The following RNF150 variants were observed in gnomAD, a reference collection of about 807,000 sequenced individuals.
RNF150 encodes ring finger protein 150.
RNF150 carries 24 observed loss-of-function variants against 39.3 expected under a neutral mutation model. The ratio of observed to expected loss-of-function variants is 0.61; its 90% CI spans 0.44 to 0.86. The LOEUF is 0.86. Among genes scored for constraint, RNF150 ranks in the 40% least tolerant of loss-of-function variants. The pLI, the probability that RNF150 is intolerant of heterozygous loss-of-function variation, is 0.00. For synonymous variants in RNF150, 255 were observed against 227.3 expected, an observed-to-expected ratio of 1.12 and a Z score of -1.10; for missense variants, 502 against 587.8, an observed-to-expected ratio of 0.85 and a Z score of 1.51.
chr4:141,115,001 TAA>T (rs1739504774), intron 1 of RNF150, among the ~76,000 whole-genome samples: 1 of 152,090 alleles, frequency 6.6e-6, no homozygotes, highest in African/African-American at 2.4e-5. Context: ...CTCAAAATAA[TAA>T]GAGCTATTTA....
chr4:141,040,702 C>T (rs1736323623), intron 1 of RNF150, among the ~76,000 whole-genome samples: 1 of 152,108 alleles, frequency 6.6e-6, no homozygotes, highest in African/African-American at 2.4e-5. Context: ...TTAAATAACA[C>T]ATCAGTGGTT....
At chr4:141,179,390 A>G (rs902625913) in intron 1 of RNF150, among the ~76,000 whole-genome samples, 36 of 152,210 alleles carry the variant, frequency 2.4e-4, no homozygotes, top group African/African-American at 8.7e-4. Flanking sequence ...AAATAGTTCA[A>G]TAGTAATTTG....
chr4:140,996,229 G>GATGTTGAGC (rs1734372359), intron 1 of RNF150, among the ~76,000 whole-genome samples: 1 of 152,108 alleles, frequency 6.6e-6, no homozygotes, highest in African/African-American at 2.4e-5. Context: ...GACAATAAAT[G>GATGTTGAGC]ATGTTGAGCA....
rs550772788 is a variant in RNF150 at position 141,075,478 on chromosome 4, T to C, written c.484+56847A>G. 2.2e-4 allele frequency among the ~76,000 whole-genome samples: 33 copies of C among 152,380 alleles called. 1 individual carries two copies. In the East Asian group the frequency reaches 6.4e-3, roughly 29 times the overall value. Reference sequence around the variant, plus strand: ...TGATATCCATTGTTATGTTTACTAATTAGAATTATAGCCTCTAATCCCAGT... The same window carrying C: ...TGATATCCATTGTTATGTTTACTAACTAGAATTATAGCCTCTAATCCCAGT... On this transcript the variant is annotated intron_variant, in intron 1 of 6. Coordinates refer to ENST00000515673, the MANE Select transcript of RNF150 (RefSeq NM_020724.2).
At chr4:141,013,057 G>A (rs1385206480) in intron 1 of RNF150, among the ~76,000 whole-genome samples, 1 of 152,124 alleles carries the variant, frequency 6.6e-6, no homozygotes, top group Non-Finnish European at 1.5e-5. Flanking sequence ...TGGGGAAAAT[G>A]GAATATGAGT....
At chr4:141,064,082 ATTTC>A (rs149164885) in intron 1 of RNF150, among the ~76,000 whole-genome samples, 2,611 of 152,102 alleles carry the variant, frequency 0.017, 83 homozygotes, top group African/African-American at 0.059. Context: ...GCCTTTCAAC[ATTTC>A]TTTATTTTTC....
chr4:140,996,842 A>C (rs1734395040), intron 1 of RNF150: 1 of 152,270 alleles, frequency 6.6e-6, no homozygotes, highest in South Asian at 2.1e-4. Context: ...AAAAGTGAGA[A>C]AAGCAGTCAT....
upstream of RNF150, among the ~76,000 whole-genome samples, chr4:141,137,785 A>G (rs1727049881): frequency 6.6e-6 from 1 of 152,214 alleles, no homozygotes; most frequent in Non-Finnish European, 1.5e-5. Flanking sequence ...TCACCATGCA[A>G]CAAAGTAAAG....
At position 141,203,627 on chromosome 4, in the gene RNF150, G is replaced by T. The variant is rs147628440; in HGVS notation, c.-6+9167C>A. ...TCTCAACCTTCCTGTAATTTTCAGGGTCTTTTTTTGTGTCTTTGCTAATTA... is the reference window on the plus strand; with the variant it reads ...TCTCAACCTTCCTGTAATTTTCAGGTTCTTTTTTTGTGTCTTTGCTAATTA... On this transcript the variant is annotated intron_variant, in intron 1 of 7. Transcript: ENST00000420921. Among the ~76,000 whole-genome samples, 462 of 151,744 alleles carry T rather than the reference G, an allele frequency of 3.0e-3. 2 individuals are homozygous for T. The highest frequency in any genetic ancestry group is 0.011 in the African/African-American group (445 of 41,370).
chr4:141,113,656 G>A (rs1442779662), intron 1 of RNF150, among the ~76,000 whole-genome samples: 1 of 152,048 alleles, frequency 6.6e-6, no homozygotes, highest in Non-Finnish European at 1.5e-5. Flanking sequence ...ACTCAGCTCT[G>A]GACCAAGCAG....
intron 2 of RNF150, among the ~76,000 whole-genome samples, chr4:140,951,655 T>C (rs997872394): frequency 8.6e-5 from 13 of 151,948 alleles, no homozygotes; most frequent in African/African-American, 2.7e-4. Context: ...GTAAGCAATC[T>C]TGTGGTCCTG....
chr4:141,062,327 T>A (rs1737267411), intron 1 of RNF150, among the ~76,000 whole-genome samples: 1 of 152,134 alleles, frequency 6.6e-6, no homozygotes, highest in African/African-American at 2.4e-5. Context: ...GCATCTTATA[T>A]ATATCTCTCA....
chr4:140,895,761 A>G (rs550386894), intron 6 of RNF150, among the ~76,000 whole-genome samples: 7 of 152,318 alleles, frequency 4.6e-5, no homozygotes, highest in Non-Finnish European at 7.3e-5. Flanking sequence ...TTCCCTCAGT[A>G]AAATTATGCA....
At chr4:141,041,871 A>T (rs952513001) in intron 1 of RNF150, among the ~76,000 whole-genome samples, 2 of 152,086 alleles carry the variant, frequency 1.3e-5, no homozygotes, top group African/African-American at 4.8e-5. Flanking sequence ...TACCTAAATA[A>T]CTAATTGTGA....
At chr4:141,153,943 G>T (rs895746325) in intron 1 of RNF150, among the ~76,000 whole-genome samples, 1 of 152,194 alleles carries the variant, frequency 6.6e-6, no homozygotes, top group East Asian at 1.9e-4. Flanking sequence ...TTGAATCCCA[G>T]ATATGCCACT....
rs78662089 is a variant in RNF150, at chr4:141,061,474, C to T, written c.484+70851G>A. On this transcript the variant is annotated intron_variant, in intron 1 of 6. Coordinates refer to ENST00000515673, the MANE Select transcript of RNF150 (RefSeq NM_020724.2). ...GAAACAATTCTTGAAAATAATCAGA[C>T]TAGTGGTATGCACTATTTAACCCAG... Among the ~76,000 whole-genome samples the T allele has an allele frequency of 1.9e-3, 293 of 152,254 alleles. 11 individuals carry two copies. In the East Asian group the frequency reaches 0.046, roughly 24 times the overall value.
At chr4:141,116,268 T>C (rs1230300184) in intron 1 of RNF150, among the ~76,000 whole-genome samples, 1 of 152,134 alleles carries the variant, frequency 6.6e-6, no homozygotes, top group Non-Finnish European at 1.5e-5. Context: ...ATATCCAGAA[T>C]CTACAAGGAA....
intron 4 of RNF150, among the ~76,000 whole-genome samples, chr4:140,943,943 A>T (rs1732188611): frequency 6.6e-6 from 1 of 152,202 alleles, no homozygotes; most frequent in Non-Finnish European, 1.5e-5. Flanking sequence ...TTTTATAGGA[A>T]TGCAGGGAAA....
At chr4:140,900,630 G>A (rs182807625) in intron 6 of RNF150, among the ~76,000 whole-genome samples, 1 of 152,164 alleles carries the variant, frequency 6.6e-6, no homozygotes, top group African/African-American at 2.4e-5. Context: ...AGAGCTCTCA[G>A]GCCTCGACAC....
Sources: gnomAD v4.1 joint callset for allele counts (sites outside exome capture counted in the v4.1 genomes callset) on GRCh38, gnomAD v4.1.1 for gene constraint, MANE v1.5 for transcripts, NCBI Gene and HGNC (gene_info 2026-07-23, HGNC 2026-07-21) for gene names.